The following SDK1 variants were observed in gnomAD, a reference collection of about 807,000 sequenced individuals.
The protein encoded by SDK1 is protein sidekick-1.
Under a neutral mutation model 245.5 loss-of-function variants are expected in SDK1, and 157 were observed. That is an observed-to-expected ratio of 0.64 (90% CI 0.56 to 0.73). SDK1 has a LOEUF of 0.73. Among genes scored for constraint, SDK1 ranks in the 30% least tolerant of loss-of-function variants. SDK1 has a pLI of 0.00. For missense variants in SDK1, 3,583 were observed against 3,002.3 expected, an observed-to-expected ratio of 1.19 and a Z score of -4.52; for synonymous variants, 1,647 against 1,278.5, an observed-to-expected ratio of 1.29 and a Z score of -6.15.
intron 2 of SDK1, among the ~76,000 whole-genome samples, chr7:3,631,160 C>T (rs980971726): frequency 1.3e-5 from 2 of 152,192 alleles, no homozygotes; most frequent in Non-Finnish European, 2.9e-5. Flanking sequence ...TCTCGAACTT[C>T]TGGGCTCAAG....
chr7:3,911,467 T>C (rs1779159946), intron 5 of SDK1, among the ~76,000 whole-genome samples: 1 of 152,112 alleles, frequency 6.6e-6, no homozygotes, highest in South Asian at 2.1e-4. Context: ...TGGTTTGCTG[T>C]GTCCTCACAT....
At chr7:3,554,067 C>G (rs1779507627) in intron 1 of SDK1, among the ~76,000 whole-genome samples, 1 of 152,168 alleles carries the variant, frequency 6.6e-6, no homozygotes, top group Non-Finnish European at 1.5e-5. Context: ...AGGAAATCAG[C>G]AAGGATGTAG....
intron 1 of SDK1, chr7:3,302,144 A>G (rs1423733323): frequency 4.2e-5 from 7 of 168,426 alleles, no homozygotes; most frequent in African/African-American, 1.4e-4. Flanking sequence ...AAAAATTTTT[A>G]AGTTGAGGAC....
chr7:3,585,723 C>G (rs1448288615), intron 1 of SDK1, among the ~76,000 whole-genome samples: 1 of 152,056 alleles, frequency 6.6e-6, no homozygotes, highest in African/African-American at 2.4e-5. Flanking sequence ...AGGGTGGTTG[C>G]TAGACAGTAC....
intron 2 of SDK1, among the ~76,000 whole-genome samples, chr7:3,623,536 C>T (rs185651816): frequency 2.0e-4 from 31 of 152,132 alleles, no homozygotes; most frequent in African/African-American, 6.3e-4. Context: ...CCGCTGCACC[C>T]GGCCTCAAAT....
intron 22 of SDK1, among the ~76,000 whole-genome samples, chr7:4,100,644 A>G (rs1108128): frequency 0.41 from 62,197 of 152,034 alleles, 14,152 homozygotes; most frequent in African/African-American, 0.62. Context: ...AGTCCTCACC[A>G]GGACCCACCC....
At chr7:4,191,024 AC>A (rs1239320884) in intron 35 of SDK1, among the ~76,000 whole-genome samples, 1 of 152,088 alleles carries the variant, frequency 6.6e-6, no homozygotes, top group Admixed American at 6.5e-5. Flanking sequence ...TGCTGGGGTG[AC>A]CCTTGTGAAA....
intron 5 of SDK1, among the ~76,000 whole-genome samples, chr7:3,935,812 G>T (rs978693341): frequency 6.6e-6 from 1 of 152,236 alleles, no homozygotes; most frequent in African/African-American, 2.4e-5. Flanking sequence ...TGACGAAGTA[G>T]CCTTTGGAAA....
At chr7:4,095,794 G>C (rs1348823059) in intron 22 of SDK1, among the ~76,000 whole-genome samples, 1 of 152,154 alleles carries the variant, frequency 6.6e-6, no homozygotes. Flanking sequence ...GGCTGGTCTC[G>C]AACTTTTGAC....
At position 3,549,239 on chromosome 7, in the gene SDK1, A is replaced by G. The variant is rs1397478649; in HGVS notation, c.299-69841A>G. On this transcript the variant is annotated intron_variant, in intron 1 of 44. Transcript: ENST00000404826. ...CCGAAGGCTGTGAAATGTGATCTCT[A>G]TGAGTTATAGTCTTCCTGTGAGGAT... Among the ~76,000 whole-genome samples the G allele has an allele frequency of 3.9e-5, 6 of 152,194 alleles. No homozygotes were observed. The East Asian group carries it at 5.8e-4, about 15-fold the overall frequency.
chr7:3,691,183 C>T (rs938109607), intron 4 of SDK1, among the ~76,000 whole-genome samples: 8 of 48,562 alleles, frequency 1.6e-4, no homozygotes, highest in East Asian at 4.8e-4. Flanking sequence ...CAAATGTATA[C>T]GAAAAGCAAT....
chr7:4,010,116 C>A (rs1013409168), intron 14 of SDK1, among the ~76,000 whole-genome samples: 1 of 152,216 alleles, frequency 6.6e-6, no homozygotes, highest in Non-Finnish European at 1.5e-5. Flanking sequence ...AAGAATTTCC[C>A]CCACCCAGGT....
chr7:3,351,854 G>T (rs947188095), intron 1 of SDK1, among the ~76,000 whole-genome samples: 1 of 152,088 alleles, frequency 6.6e-6, no homozygotes, highest in African/African-American at 2.4e-5. Flanking sequence ...GGATATGGAA[G>T]ACTTAAAGAA....
At chr7:3,938,448 C>T (rs1303223753) in intron 5 of SDK1, among the ~76,000 whole-genome samples, 1 of 152,040 alleles carries the variant, frequency 6.6e-6, no homozygotes, top group African/African-American at 2.4e-5. Flanking sequence ...CGTGACTAAC[C>T]TGGCGAACAC....
At chr7:3,486,949 T>G (rs1029292523) in intron 1 of SDK1, among the ~76,000 whole-genome samples, 3 of 152,204 alleles carry the variant, frequency 2.0e-5, no homozygotes, top group African/African-American at 7.2e-5. Context: ...AAGGTTATAT[T>G]TGCTTTGCTA....
At chr7:3,421,392 G>C (rs1779531176) in intron 1 of SDK1, among the ~76,000 whole-genome samples, 1 of 151,796 alleles carries the variant, frequency 6.6e-6, no homozygotes, top group Non-Finnish European at 1.5e-5. Context: ...CTCACTTCTA[G>C]TTATCAATGT....
At chr7:4,194,994 A>G (rs1479622401) in intron 35 of SDK1, among the ~76,000 whole-genome samples, 1 of 152,196 alleles carries the variant, frequency 6.6e-6, no homozygotes, top group East Asian at 1.9e-4. Context: ...GACAGCCCAC[A>G]GTTCTATCCT....
intron 1 of SDK1, 132 bp downstream of exon 1, chr7:3,302,016 A>G: frequency 1.7e-6 from 1 of 592,052 alleles, no homozygotes; most frequent in African/African-American, 2.0e-5. Context: ...TGGGGGCTCT[A>G]GGGAGCCCAG....
intron 1 of SDK1, among the ~76,000 whole-genome samples, chr7:3,565,419 A>G (rs1403030684): frequency 2.0e-5 from 3 of 152,200 alleles, no homozygotes; most frequent in East Asian, 3.8e-4. Flanking sequence ...TACTTAACAT[A>G]GCGTTTTCAT....
Sources: allele counts gnomAD v4.1 joint callset (sites outside exome capture counted in the v4.1 genomes callset), GRCh38; gene constraint gnomAD v4.1.1; transcripts MANE v1.5; gene names NCBI Gene and HGNC (gene_info 2026-07-23, HGNC 2026-07-21).